FRMPD1: variants seen among roughly 807,000 people sequenced by gnomAD.
The protein encoded by FRMPD1 is FERM and PDZ domain containing 1.
Under a neutral mutation model 117.8 loss-of-function variants are expected in FRMPD1, and 76 were observed. That is an observed-to-expected ratio of 0.65 (90% confidence interval 0.54 to 0.78). FRMPD1 has a LOEUF of 0.78. Among genes scored for constraint, FRMPD1 ranks in the 30% least tolerant of loss-of-function variants. The probability of loss-of-function intolerance (pLI) is 0.00; values close to 1 mark genes in which losing one functional copy is unlikely to be tolerated. For synonymous variants in FRMPD1, 783 were observed against 770.4 expected (o/e 1.02, Z -0.27); for missense variants, 1,786 against 1,964.5 (o/e 0.91, Z 1.72).
chr9:37,732,771 T>G (rs1248246096), intron 10 of FRMPD1, among the ~76,000 whole-genome samples: 1 of 152,204 alleles, frequency 6.6e-6, no homozygotes, highest in African/African-American at 2.4e-5. Flanking sequence ...AGTTAATTTT[T>G]CCCGTGGATA....
rs1444385099 is a variant in FRMPD1, at chr9:37,737,146, G to C, written c.1452G>C (p.Leu484=). ...ESNSAKDLAC[L]IAGYYRLLVD... is the part of the protein sequence containing the mutation. Reference sequence around the variant, plus strand: ...ACAGTGCAAAAGACCTAGCCTGCCTGATTGCTGGGTACTACAGGCTGTTGG... The same window carrying C: ...ACAGTGCAAAAGACCTAGCCTGCCTCATTGCTGGGTACTACAGGCTGTTGG... The change falls in exon 14 of 16, where the codon CTG becomes CTC. Residue 484 remains leucine, a synonymous_variant. Transcript: ENST00000377765. 1.9e-6 allele frequency: 3 copies of C among 1,612,922 alleles called. No individual in the cohort carries two copies. In the South Asian group the frequency reaches 3.3e-5, roughly 18 times the overall value.
chr9:37,720,306 C>T (rs948344967), intron 6 of FRMPD1, among the ~76,000 whole-genome samples: 1 of 152,130 alleles, frequency 6.6e-6, no homozygotes, highest in Admixed American at 6.5e-5. Context: ...TTCTGCTGGG[C>T]GCGGTGGCTC....
intron 6 of FRMPD1, among the ~76,000 whole-genome samples, chr9:37,723,608 A>G (rs1823490857): frequency 1.3e-5 from 2 of 152,206 alleles, no homozygotes; most frequent in African/African-American, 2.4e-5. Context: ...CTATAATCCT[A>G]GTATTTTGGG....
the FRMPD1 span, among the ~76,000 whole-genome samples, chr9:37,619,574 A>G: frequency 6.6e-6 from 1 of 152,106 alleles, no homozygotes; most frequent in African/African-American, 2.4e-5. Context: ...CCTGGCCAAC[A>G]TAGCAAAACC....
chr9:37,746,556 A>G lies in FRMPD1; in HGVS notation c.4524A>G (p.Thr1508=), dbSNP rs771906819. The stretch of plus-strand genomic sequence containing the variant: ...TGGCCGGCCTGTGCTTTCAGTTCAC[A>G]GACTGTAGCCGCTGCTCCGCCCGGC... ...VQLAGLCFQF[T]DCSRCSARHR... is the part of the protein sequence containing the mutation. The change falls in exon 16 of 16, where the codon ACA becomes ACG. Residue 1508 remains threonine, a synonymous_variant. Coordinates refer to ENST00000377765, the MANE Select transcript of FRMPD1 (RefSeq NM_014907.3). 1 of 1,613,792 alleles carries G rather than the reference A, an allele frequency of 6.2e-7. No individual in the cohort carries two copies. Among genetic ancestry groups the G allele is most frequent in the Admixed American group, 1.7e-5 (1 of 60,030 alleles).
chr9:37,740,122 G>A lies in FRMPD1; in HGVS notation c.1594G>A (p.Val532Met), dbSNP rs760287220. The A allele has an allele frequency of 6.2e-7, 1 of 1,613,418 alleles. No homozygotes were observed. The highest frequency in any genetic ancestry group is 8.5e-7 in the Non-Finnish European group (1 of 1,179,634). The change falls in exon 15 of 16, where the codon GTG (valine) becomes ATG (methionine). Residue 532 changes from valine to methionine, a missense_variant. Transcript: ENST00000377765. The surrounding 1 kb of genome is among the most constrained non-coding windows in gnomAD (Gnocchi z 4.2). ...CAGTGACTCAGAGGAGTCCTCTGAG[G>A]TGGACTGCGTACTCGAACCTCTCTC... ...ACSDSEESSEVDCVLEPLSDR... is the reference protein window; with the variant it reads ...ACSDSEESSEMDCVLEPLSDR...
intron 1 of FRMPD1, among the ~76,000 whole-genome samples, chr9:37,680,050 G>A (rs1422691137): frequency 6.6e-6 from 1 of 152,188 alleles, no homozygotes; most frequent in African/African-American, 2.4e-5. Flanking sequence ...CCAACTTCCA[G>A]TCTTCTACTA....
chr9:37,717,807 G>A lies in FRMPD1; in HGVS notation c.409-1262G>A, dbSNP rs73445162. On this transcript the variant is annotated intron_variant, in intron 5 of 15. Coordinates refer to ENST00000377765, the MANE Select transcript of FRMPD1 (RefSeq NM_014907.3). The stretch of plus-strand genomic sequence containing the variant: ...TAACATTTCTTCCATTCTCTGTTCC[G>A]TGGATGATACCAACTGTTACATATT... Among the ~76,000 whole-genome samples, 1,316 of 152,086 alleles carry A rather than the reference G, an allele frequency of 8.7e-3. 24 individuals carry two copies. Among genetic ancestry groups the A allele is most frequent in the African/African-American group, 0.03 (1,247 of 41,446 alleles).
In FRMPD1 at chr9:37,724,316, T is replaced by G; in HGVS notation, c.608T>G (p.Val203Gly). 6.6e-7 allele frequency: 1 copy of G among 1,525,202 alleles called. No homozygotes were observed. The highest frequency in any genetic ancestry group is 1.4e-5 in the African/African-American group (1 of 73,452). 94.5% of individuals were successfully genotyped at this position (1,525,202 alleles called of 1,614,324 possible). A position where few individuals can be genotyped will look rare whatever the true frequency, so the allele number is the denominator to read the frequency against. Residue 203 changes from valine to glycine, a missense_variant, in exon 7 of 16, where the codon GTG (valine) becomes GGG (glycine). Physicochemically the swap from Val to Gly is moderately radical, Grantham distance 109. Coordinates refer to ENST00000377765, the MANE Select transcript of FRMPD1 (RefSeq NM_014907.3). ...TTCAAGTTTGAGGCAAACACAACCG[T>G]GAAGGTATTAAGAATAAACTTGAAC... ...KAFKFEANTT[V>G]KDIILTVKEK...
At chr9:37,689,527 C>T (rs1166376318) in intron 1 of FRMPD1, among the ~76,000 whole-genome samples, 1 of 152,160 alleles carries the variant, frequency 6.6e-6, no homozygotes, top group Non-Finnish European at 1.5e-5. Context: ...CTTCATGCAT[C>T]TCAACAGTTG....
intron 4 of FRMPD1, among the ~76,000 whole-genome samples, chr9:37,709,637 T>C (rs1822838592): frequency 6.6e-6 from 1 of 152,098 alleles, no homozygotes; most frequent in Admixed American, 6.5e-5. Context: ...TGGGCAGAAG[T>C]TGTAGGCTGA....
At chr9:37,703,918 C>T (rs1822614597) in intron 2 of FRMPD1, among the ~76,000 whole-genome samples, 1 of 152,182 alleles carries the variant, frequency 6.6e-6, no homozygotes, top group African/African-American at 2.4e-5. Flanking sequence ...GATGGACATT[C>T]GAGTTGTTTC....
intron 15 of FRMPD1, among the ~76,000 whole-genome samples, chr9:37,741,604 T>C (rs1343487888): frequency 6.6e-6 from 1 of 152,198 alleles, no homozygotes; most frequent in Non-Finnish European, 1.5e-5. Flanking sequence ...CCTGCTGCTC[T>C]CTGATCCTCT....
intron 6 of FRMPD1, among the ~76,000 whole-genome samples, chr9:37,722,714 AG>A (rs1276832207): frequency 6.6e-6 from 1 of 152,194 alleles, no homozygotes; most frequent in African/African-American, 2.4e-5. Flanking sequence ...GGAGGACACC[AG>A]CCCCACGGGC....
intron 14 of FRMPD1, among the ~76,000 whole-genome samples, 200 bp from the exon 15 acceptor site, chr9:37,739,878 G>A (rs886223767): frequency 6.6e-6 from 1 of 152,172 alleles, no homozygotes; most frequent in Non-Finnish European, 1.5e-5. Context: ...ATGTGGGACA[G>A]GCGGTCTGAT....
chr9:37,649,939 G>A (rs1007571094), upstream of FRMPD1, among the ~76,000 whole-genome samples: 1 of 152,110 alleles, frequency 6.6e-6, no homozygotes, highest in Non-Finnish European at 1.5e-5. Context: ...CCCTTTCACT[G>A]GCCAATTCCA....
At chr9:37,717,341 A>ATGTG (rs59852335) in intron 5 of FRMPD1, among the ~76,000 whole-genome samples, 1,637 of 120,088 alleles carry the variant, frequency 0.014, 21 homozygotes, top group Non-Finnish European at 0.017. Context: ...ATGTGTATAT[A>ATGTG]TGTGTGTGTG....
intron 13 of FRMPD1, among the ~76,000 whole-genome samples, chr9:37,736,101 C>A (rs1402160190): frequency 6.6e-6 from 1 of 151,344 alleles, no homozygotes; most frequent in Non-Finnish European, 1.5e-5. Flanking sequence ...CGTGGGTTCA[C>A]ACCATTCTTC....
intron 4 of FRMPD1, among the ~76,000 whole-genome samples, 193 bp downstream of exon 4, chr9:37,708,694 T>A (rs572378684): frequency 1.3e-5 from 2 of 152,320 alleles, no homozygotes; most frequent in African/African-American, 4.8e-5. Flanking sequence ...GTCCACTCTC[T>A]CTCACTTGCC....
Sources: gnomAD v4.1 joint callset for allele counts (sites outside exome capture counted in the v4.1 genomes callset) on GRCh38, gnomAD v4.1.1 for gene constraint, Gnocchi (gnomAD v3.1) non-coding constraint, MANE v1.5 for transcripts, NCBI Gene and HGNC (gene_info 2026-07-23, HGNC 2026-07-21) for gene names.